The following LRRC37A2 variants were observed in gnomAD, a reference collection of about 807,000 sequenced individuals.
LRRC37A2 encodes leucine rich repeat containing 37 member A2, also known as leucine-rich repeat-containing protein 37A2.
Under a neutral mutation model 68.8 loss-of-function variants are expected in LRRC37A2, and 9 were observed. That is an observed-to-expected ratio of 0.13 (90% CI 0.08 to 0.23). The LOEUF (loss-of-function observed/expected upper bound fraction) is 0.23. LRRC37A2 is among the 10% of genes least tolerant of loss of function. The probability of loss-of-function intolerance (pLI) is 1.00; values close to 1 mark genes in which losing one functional copy is unlikely to be tolerated. For missense variants in LRRC37A2, 168 were observed against 950.4 expected (o/e 0.18, Z 10.82); for synonymous variants, 63 against 367.6 (o/e 0.17, Z 9.48).
At chr17:47,012,336 T>C in the LRRC37A2 span, among the ~76,000 whole-genome samples, 4 of 152,160 alleles carry the variant, frequency 2.6e-5, no homozygotes, top group Non-Finnish European at 4.4e-5. Context: ...CAATGATTTC[T>C]TAGATATGAC....
At chr17:46,852,030 C>A in the LRRC37A2 span, among the ~76,000 whole-genome samples, 1 of 152,244 alleles carries the variant, frequency 6.6e-6, no homozygotes, top group Non-Finnish European at 1.5e-5. Flanking sequence ...TCCGCCCCGG[C>A]CCCGCCCGTT....
At chr17:46,900,202 T>TACATACATATATATATATACACACAC in the LRRC37A2 span, among the ~76,000 whole-genome samples, 1 of 101,172 alleles carries the variant, frequency 9.9e-6, no homozygotes, top group African/African-American at 5.1e-5. Flanking sequence ...TATATATATA[T>TACATACATATATATATATACACACAC]ACACACACAC....
chr17:46,821,408 G>A, the LRRC37A2 span, among the ~76,000 whole-genome samples: 1 of 152,196 alleles, frequency 6.6e-6, no homozygotes, highest in Non-Finnish European at 1.5e-5. Flanking sequence ...TTGCGCTGCC[G>A]CGGGTGGAAA....
At chr17:47,004,805 T>C in the LRRC37A2 span, among the ~76,000 whole-genome samples, 412 of 152,348 alleles carry the variant, frequency 2.7e-3, 1 homozygote, top group African/African-American at 9.5e-3. Context: ...GTTGGGATTA[T>C]AGGCGTGAGC....
the LRRC37A2 span, among the ~76,000 whole-genome samples, chr17:46,719,844 G>A: frequency 2.0e-5 from 3 of 152,132 alleles, no homozygotes; most frequent in Admixed American, 6.6e-5. The surrounding 1 kb of genome is among the most constrained non-coding windows in gnomAD (Gnocchi z 4.3). Flanking sequence ...CAATCAGATA[G>A]AACTAAATTG....
chr17:46,740,205 G>A, the LRRC37A2 span, among the ~76,000 whole-genome samples: 2 of 152,174 alleles, frequency 1.3e-5, no homozygotes, highest in Admixed American at 1.3e-4. Context: ...TTGGCCTCCA[G>A]ATAAGTAAGG....
At chr17:46,804,105 T>G in the LRRC37A2 span, among the ~76,000 whole-genome samples, 2 of 152,130 alleles carry the variant, frequency 1.3e-5, no homozygotes, top group East Asian at 3.9e-4. Flanking sequence ...TTTTATTTTT[T>G]GAGACAGAGT....
intron 6 of LRRC37A2, among the ~76,000 whole-genome samples, chr17:46,534,132 G>C (rs1378735963): frequency 6.8e-6 from 1 of 146,078 alleles, no homozygotes; most frequent in Non-Finnish European, 1.5e-5. Flanking sequence ...TGTCACCTCA[G>C]CCTCCTGGGT....
At chr17:46,493,935 G>T in the LRRC37A2 span, among the ~76,000 whole-genome samples, 1 of 151,080 alleles carries the variant, frequency 6.6e-6, no homozygotes, top group South Asian at 2.1e-4. Flanking sequence ...CTCGACTCCA[G>T]GTTCAAGGTG....
chr17:46,851,366 A>AGCGCTCACCTGG, the LRRC37A2 span, among the ~76,000 whole-genome samples: 2 of 145,426 alleles, frequency 1.4e-5, no homozygotes, highest in Non-Finnish European at 3.0e-5. This position sits in a 1 kb window ranked among gnomAD's most constrained non-coding sequence, Gnocchi z 4.3. Context: ...GCGCCAGGTG[A>AGCGCTCACCTGG]GCGCTCACCT....
chr17:46,527,096 G>GT (rs1395597967), intron 6 of LRRC37A2, among the ~76,000 whole-genome samples: 1 of 38,270 alleles, frequency 2.6e-5, no homozygotes, highest in Non-Finnish European at 6.3e-5. Flanking sequence ...ACTTTGCAAT[G>GT]TAGAAAGGCT....
chr17:46,795,632 T>G, the LRRC37A2 span, among the ~76,000 whole-genome samples: 1 of 152,188 alleles, frequency 6.6e-6, no homozygotes, highest in East Asian at 1.9e-4. Flanking sequence ...CACAGGGCCC[T>G]GTGCAAGGGG....
chr17:46,961,721 TGCAA>T, the LRRC37A2 span, among the ~76,000 whole-genome samples: 1 of 152,118 alleles, frequency 6.6e-6, no homozygotes, highest in African/African-American at 2.4e-5. Flanking sequence ...ATAGAAAATT[TGCAA>T]GCAATGAGTT....
At chr17:46,829,084 A>T in the LRRC37A2 span, among the ~76,000 whole-genome samples, 1 of 152,254 alleles carries the variant, frequency 6.6e-6, no homozygotes, top group Non-Finnish European at 1.5e-5. Flanking sequence ...ATTAGTGGTG[A>T]AGGTTGCACA....
the LRRC37A2 span, among the ~76,000 whole-genome samples, chr17:46,603,235 TG>T: frequency 6.9e-6 from 1 of 144,568 alleles, no homozygotes; most frequent in Non-Finnish European, 1.5e-5. Flanking sequence ...AACCTGTCAG[TG>T]TTCCTGTTTT....
chr17:46,904,230 G>A, the LRRC37A2 span, among the ~76,000 whole-genome samples: 3 of 150,600 alleles, frequency 2.0e-5, no homozygotes, highest in Non-Finnish European at 4.4e-5. Flanking sequence ...GTGGGTAGAT[G>A]GATGTATGGG....
the LRRC37A2 span, chr17:46,941,481 T>A: frequency 9.4e-6 from 9 of 959,028 alleles, no homozygotes; most frequent in Non-Finnish European, 1.1e-5. Flanking sequence ...GGCTGGCTGC[T>A]TCAGAAGCAG....
the LRRC37A2 span, among the ~76,000 whole-genome samples, chr17:46,896,810 G>A: frequency 4.1e-3 from 627 of 152,220 alleles, no homozygotes; most frequent in Non-Finnish European, 7.2e-3. Flanking sequence ...GGATTCCAGC[G>A]CCCAAGCAGG....
the LRRC37A2 span, chr17:46,722,020 C>T: frequency 1.2e-5 from 20 of 1,609,224 alleles, no homozygotes; most frequent in Non-Finnish European, 1.6e-5. Flanking sequence ...CTTCAGTTTC[C>T]TTGGCTGCCG....
Sources: gnomAD v4.1 joint callset for allele counts (sites outside exome capture counted in the v4.1 genomes callset) on GRCh38, gnomAD v4.1.1 for gene constraint, Gnocchi (gnomAD v3.1) non-coding constraint, MANE v1.5 for transcripts, NCBI Gene and HGNC (gene_info 2026-07-23, HGNC 2026-07-21) for gene names.